Variants in PDE4D observed in about 807,000 individuals in gnomAD.
PDE4D encodes the protein 3',5'-cyclic-AMP phosphodiesterase 4D.
In PDE4D, 24 loss-of-function variants were observed where a neutral mutation model predicts 87.4. That is an observed-to-expected ratio of 0.27 (90% CI 0.20 to 0.39). The LOEUF (loss-of-function observed/expected upper bound fraction) is 0.39. Ranked by LOEUF, PDE4D falls within the 10% of genes least tolerant of loss-of-function variation. The pLI is 1.00. For missense variants in PDE4D, 714 were observed against 1,041.0 expected (o/e 0.69, Z 4.32); for synonymous variants, 384 against 383.2 (o/e 1.00, Z -0.02).
chr5:60,345,355 G>A (rs1369088207), intron 1 of PDE4D, among the ~76,000 whole-genome samples: 1 of 151,890 alleles, frequency 6.6e-6, no homozygotes, highest in African/African-American at 2.4e-5. Context: ...TAAATGACGA[G>A]TTAATGGGTG....
chr5:59,278,705 A>G (rs577944051), intron 1 of PDE4D, among the ~76,000 whole-genome samples: 58 of 152,250 alleles, frequency 3.8e-4, no homozygotes, highest in African/African-American at 1.3e-3. Context: ...GTAACTTTAT[A>G]TTTATTCTGT....
intron 1 of PDE4D, among the ~76,000 whole-genome samples, chr5:59,711,791 GA>G (rs1439290900): frequency 6.6e-6 from 1 of 151,896 alleles, no homozygotes; most frequent in African/African-American, 2.4e-5. Flanking sequence ...ATCTCAACCA[GA>G]AAAAAATGGT....
intron 1 of PDE4D, among the ~76,000 whole-genome samples, chr5:59,754,697 T>C (rs1404258692): frequency 6.6e-6 from 1 of 152,108 alleles, no homozygotes; most frequent in Non-Finnish European, 1.5e-5. Flanking sequence ...AGCTCTCATT[T>C]ATTTGCATTG....
At chr5:60,478,136 G>A (rs1464195733) in intron 1 of PDE4D, among the ~76,000 whole-genome samples, 1 of 152,036 alleles carries the variant, frequency 6.6e-6, no homozygotes, top group Non-Finnish European at 1.5e-5. Context: ...CAAATTCAAG[G>A]TCATAATTCT....
At chr5:60,055,139 A>C (rs948149303) in intron 2 of PDE4D, among the ~76,000 whole-genome samples, 8 of 152,262 alleles carry the variant, frequency 5.3e-5, no homozygotes, top group African/African-American at 1.9e-4. Context: ...GGCAGCTCCG[A>C]GAGACCAGGG....
At chr5:60,305,651 T>A (rs1225854428) in intron 1 of PDE4D, among the ~76,000 whole-genome samples, 1 of 148,910 alleles carries the variant, frequency 6.7e-6, no homozygotes, top group Non-Finnish European at 1.5e-5. Flanking sequence ...TTTAAACTAC[T>A]GAGTAAACAG....
chr5:60,207,943 T>G (rs1468020130), intron 1 of PDE4D, among the ~76,000 whole-genome samples: 1 of 152,242 alleles, frequency 6.6e-6, no homozygotes, highest in Non-Finnish European at 1.5e-5. Flanking sequence ...GCATTTCTGC[T>G]GCTGTGGGTA....
intron 5 of PDE4D, among the ~76,000 whole-genome samples, chr5:59,126,107 A>G (rs76982801): frequency 3.4e-5 from 5 of 148,172 alleles, no homozygotes; most frequent in African/African-American, 1.3e-4. Flanking sequence ...AAAAAAAAAA[A>G]AGAGAGAGAG....
intron 3 of PDE4D, among the ~76,000 whole-genome samples, chr5:59,926,070 T>A (rs1482459805): frequency 6.6e-6 from 1 of 152,152 alleles, no homozygotes; most frequent in Non-Finnish European, 1.5e-5. Context: ...ACATATTTTT[T>A]TCCTCAGCAC....
intron 1 of PDE4D, among the ~76,000 whole-genome samples, chr5:60,376,551 G>A (rs1337120668): frequency 6.6e-6 from 1 of 152,162 alleles, no homozygotes; most frequent in Non-Finnish European, 1.5e-5. Context: ...ATATCAATCT[G>A]CTCATATGTC....
chr5:60,022,202 T>C (rs1766137905), intron 2 of PDE4D, among the ~76,000 whole-genome samples: 1 of 152,170 alleles, frequency 6.6e-6, no homozygotes, highest in African/African-American at 2.4e-5. Context: ...TTATTCTCCT[T>C]AAAAGAGCTC....
intron 3 of PDE4D, among the ~76,000 whole-genome samples, chr5:59,915,214 T>C (rs1213789745): frequency 6.6e-6 from 1 of 152,056 alleles, no homozygotes; most frequent in Non-Finnish European, 1.5e-5. Flanking sequence ...GCTGGAGAAA[T>C]AGATTTGTGA....
At chr5:60,144,662 T>C (rs1780843891) in intron 2 of PDE4D, among the ~76,000 whole-genome samples, 1 of 152,204 alleles carries the variant, frequency 6.6e-6, no homozygotes, top group African/African-American at 2.4e-5. Context: ...TAAAATACTG[T>C]TTTACTTATC....
At chr5:59,999,047 A>C (rs960177786) in intron 2 of PDE4D, among the ~76,000 whole-genome samples, 1 of 152,188 alleles carries the variant, frequency 6.6e-6, no homozygotes, top group Non-Finnish European at 1.5e-5. Flanking sequence ...AAAAAGTTTT[A>C]TGAAAAGTCT....
intron 2 of PDE4D, among the ~76,000 whole-genome samples, chr5:60,154,873 T>A (rs1781825592): frequency 6.6e-6 from 1 of 152,180 alleles, no homozygotes; most frequent in African/African-American, 2.4e-5. Flanking sequence ...TGTTGAGAGA[T>A]TAATTAATCT....
intron 2 of PDE4D, among the ~76,000 whole-genome samples, chr5:60,121,827 A>G (rs1022956397): frequency 3.3e-5 from 5 of 152,176 alleles, no homozygotes; most frequent in African/African-American, 7.2e-5. Flanking sequence ...CCCAAAAGTC[A>G]ACAGTCCAAA....
At chr5:59,549,401 T>C (rs1198139388) in intron 1 of PDE4D, among the ~76,000 whole-genome samples, 1 of 152,106 alleles carries the variant, frequency 6.6e-6, no homozygotes, top group Non-Finnish European at 1.5e-5. Flanking sequence ...GAAATAAGAG[T>C]AGAGTGACAT....
chr5:59,444,396 C>G (rs924258724), intron 1 of PDE4D, among the ~76,000 whole-genome samples: 2 of 152,126 alleles, frequency 1.3e-5, no homozygotes, highest in Admixed American at 1.3e-4. Flanking sequence ...GGACAGCAGG[C>G]CTGAGTTTGT....
intron 1 of PDE4D, among the ~76,000 whole-genome samples, chr5:60,431,441 C>G (rs1197477246): frequency 6.7e-6 from 1 of 150,162 alleles, no homozygotes; most frequent in African/African-American, 2.5e-5. Context: ...GACGGGGCGG[C>G]GGGGCAGAGG....
Sources: allele counts gnomAD v4.1 joint callset (sites outside exome capture counted in the v4.1 genomes callset), GRCh38; gene constraint gnomAD v4.1.1; transcripts MANE v1.5; gene names NCBI Gene and HGNC (gene_info 2026-07-23, HGNC 2026-07-21).